The following GTF2H3 variants were observed in gnomAD, a reference collection of about 807,000 sequenced individuals.
GTF2H3 encodes the protein TFIIH basal transcription factor complex p34 subunit.
GTF2H3 carries 42 observed loss-of-function variants against 51.1 expected under a neutral mutation model. The ratio of observed to expected loss-of-function variants is 0.82; its 90% CI spans 0.64 to 1.06. GTF2H3 has a LOEUF of 1.06. GTF2H3 is among the 50% of genes least tolerant of loss of function. GTF2H3 has a pLI of 0.00. For missense variants in GTF2H3, 326 were observed against 366.1 expected (o/e 0.89, Z 0.89); for synonymous variants, 123 against 123.8 (o/e 0.99, Z 0.04).
At chr12:123,645,369 C>T (rs1955431799) in intron 2 of GTF2H3, 86 bp from the exon 3 acceptor site, 1 of 753,888 alleles carries the variant, frequency 1.3e-6, no homozygotes, top group African/African-American at 1.7e-5. Context: ...TGCACCCAGC[C>T]TAAACGACAT....
chr12:123,635,792 A>G (rs1408943484), intron 1 of GTF2H3, among the ~76,000 whole-genome samples: 2 of 152,206 alleles, frequency 1.3e-5, no homozygotes, highest in African/African-American at 4.8e-5. Context: ...AGTGGGCAGG[A>G]CTGGGACGAG....
chr12:123,633,833 G>T lies in GTF2H3; in HGVS notation c.-27G>T, dbSNP rs200812386. The stretch of plus-strand genomic sequence containing the variant: ...TGAGACGCTCCCCTGACCACCACTT[G>T]CTCTGCGCTGAGGTGCTGGGACAGC... On this transcript the variant is annotated 5_prime_UTR_variant, in exon 1 of 13. Coordinates refer to ENST00000543341, the MANE Select transcript of GTF2H3 (RefSeq NM_001516.5). The T allele has an allele frequency of 4.2e-5, 67 of 1,612,346 alleles. No individual in the cohort carries two copies. The East Asian group carries it at 6.9e-4, about 17-fold the overall frequency.
At position 123,661,240 on chromosome 12, in the gene GTF2H3, G is replaced by A. The variant is rs1023045073; in HGVS notation, c.*1005G>A. On this transcript the variant is annotated 3_prime_UTR_variant, in exon 13 of 13. Coordinates refer to ENST00000543341, the MANE Select transcript of GTF2H3 (RefSeq NM_001516.5). Reference sequence around the variant, plus strand: ...ATTTGTAATTTCAACAACAAAAAATGTATTTCTTTATGTAATCTTGAAATT... The same window carrying A: ...ATTTGTAATTTCAACAACAAAAAATATATTTCTTTATGTAATCTTGAAATT... The A allele has an allele frequency of 2.0e-5, 3 of 152,194 alleles. No individual in the cohort carries two copies. The highest frequency in any genetic ancestry group is 7.2e-5 in the African/African-American group (3 of 41,440). The allele number at this position is 152,194 out of a possible 1,614,324, so 9.4% of individuals were successfully genotyped here. A position where few individuals can be genotyped will look rare whatever the true frequency, so the allele number is the denominator to read the frequency against.
intron 9 of GTF2H3, 29 bp downstream of exon 9, chr12:123,655,853 G>A (rs1249185302): frequency 2.0e-6 from 3 of 1,479,302 alleles, no homozygotes; most frequent in Non-Finnish European, 1.9e-6. Context: ...CTTTGTGTCG[G>A]TGGTTATGAC....
intron 1 of GTF2H3, among the ~76,000 whole-genome samples, chr12:123,636,511 C>T (rs566966111): frequency 3.3e-5 from 5 of 152,164 alleles, no homozygotes; most frequent in Admixed American, 3.3e-4. Flanking sequence ...CACGGCGGCA[C>T]ATGCCTGTAA....
intron 2 of GTF2H3, among the ~76,000 whole-genome samples, chr12:123,643,188 C>T (rs567621099): frequency 6.6e-6 from 1 of 152,292 alleles, no homozygotes; most frequent in East Asian, 1.9e-4. Flanking sequence ...CAACCATACT[C>T]ATTTTTCAAT....
chr12:123,640,151 C>T (rs759790128), intron 2 of GTF2H3: 11 of 329,456 alleles, frequency 3.3e-5, no homozygotes, highest in Non-Finnish European at 5.6e-5. Flanking sequence ...TGAGCCACCG[C>T]ACCTGGCTGA....
rs562805405 is a variant in GTF2H3, at chr12:123,654,133, G to A, written c.487-791G>A. 2.0e-5 allele frequency among the ~76,000 whole-genome samples: 3 copies of A among 152,022 alleles called. No individual in the cohort carries two copies. The South Asian group carries it at 6.2e-4, about 32-fold the overall frequency. On this transcript the variant is annotated intron_variant, in intron 7 of 12. Transcript: ENST00000543341. ...GGATGTGTGTGTATTCTGGATGTGT[G>A]TATGTGTGTATATTTTGGATGTGTG... is the stretch of plus-strand genomic sequence containing the variant.
intron 2 of GTF2H3, among the ~76,000 whole-genome samples, chr12:123,643,987 C>A (rs976352617): frequency 6.6e-6 from 1 of 152,070 alleles, no homozygotes; most frequent in Non-Finnish European, 1.5e-5. Context: ...CGTGCCAACA[C>A]GCCCAGCTAA....
chr12:123,633,829 A>T lies in GTF2H3; in HGVS notation c.-31A>T. 1 of 1,611,812 alleles carries T rather than the reference A, an allele frequency of 6.2e-7. No homozygotes were observed. Among genetic ancestry groups the T allele is most frequent in the South Asian group, 1.1e-5 (1 of 91,066 alleles). ...GATTTGAGACGCTCCCCTGACCACCACTTGCTCTGCGCTGAGGTGCTGGGA... is the reference window on the plus strand; with the variant it reads ...GATTTGAGACGCTCCCCTGACCACCTCTTGCTCTGCGCTGAGGTGCTGGGA... On this transcript the variant is annotated 5_prime_UTR_variant, in exon 1 of 13. Coordinates refer to ENST00000543341, the MANE Select transcript of GTF2H3 (RefSeq NM_001516.5).
At chr12:123,645,618 T>C (rs1955435714) in intron 3 of GTF2H3, 57 bp downstream of exon 3, 1 of 908,916 alleles carries the variant, frequency 1.1e-6, no homozygotes, top group Non-Finnish European at 1.8e-6. Flanking sequence ...GAGTTTTCTG[T>C]GCCAGTTGGC....
At chr12:123,643,457 C>G (rs1955406381) in intron 2 of GTF2H3, among the ~76,000 whole-genome samples, 2 of 152,210 alleles carry the variant, frequency 1.3e-5, no homozygotes, top group South Asian at 4.1e-4. Context: ...TTGCACTCAT[C>G]AGTGCTGTAT....
intron 1 of GTF2H3, among the ~76,000 whole-genome samples, chr12:123,635,693 G>A (rs201211573): frequency 4.0e-5 from 6 of 151,640 alleles, no homozygotes; most frequent in East Asian, 2.0e-4. Context: ...GATTACAGGC[G>A]TGAGCCACTA....
chr12:123,642,167 TTTTTC>T (rs1329050237), intron 2 of GTF2H3, among the ~76,000 whole-genome samples: 1 of 143,238 alleles, frequency 7.0e-6, no homozygotes, highest in Non-Finnish European at 1.5e-5. Flanking sequence ...AGTTATTTTC[TTTTTC>T]TTTTCTTTTT....
At position 123,655,016 on chromosome 12, in the gene GTF2H3, C is replaced by T. The variant is rs771203980; in HGVS notation, c.561+18C>T. The T allele has an allele frequency of 9.4e-6, 15 of 1,589,518 alleles. No homozygotes were observed. Among genetic ancestry groups the T allele is most frequent in the Admixed American group, 5.0e-5 (3 of 59,960 alleles). Reference sequence around the variant, plus strand: ...AGAAACAGGTGAACTGAGAGCCTGCCGTTTAAAGTATTTGTTTCATAACGA... The same window carrying T: ...AGAAACAGGTGAACTGAGAGCCTGCTGTTTAAAGTATTTGTTTCATAACGA... On this transcript the variant is annotated intron_variant, in intron 8 of 12. Coordinates refer to ENST00000543341, the MANE Select transcript of GTF2H3 (RefSeq NM_001516.5).
chr12:123,654,673 T>C (rs1955563813), intron 7 of GTF2H3, among the ~76,000 whole-genome samples: 1 of 152,024 alleles, frequency 6.6e-6, no homozygotes, highest in African/African-American at 2.4e-5. Context: ...TGTGTGTGTT[T>C]GTGTTTTGGG....
chr12:123,639,496 G>A (rs1398287232), intron 2 of GTF2H3, among the ~76,000 whole-genome samples, 153 bp downstream of exon 2: 1 of 152,090 alleles, frequency 6.6e-6, no homozygotes, highest in Non-Finnish European at 1.5e-5. Flanking sequence ...AATTTGCGAA[G>A]TTGTGTAACC....
At chr12:123,642,556 A>T (rs1317051567) in intron 2 of GTF2H3, among the ~76,000 whole-genome samples, 4 of 152,136 alleles carry the variant, frequency 2.6e-5, no homozygotes, top group African/African-American at 9.7e-5. Context: ...TTTTGGGGGG[A>T]CATAATTCGA....
At chr12:123,643,867 G>T (rs748545967) in intron 2 of GTF2H3, among the ~76,000 whole-genome samples, 4 of 148,486 alleles carry the variant, frequency 2.7e-5, no homozygotes, top group Non-Finnish European at 5.9e-5. Context: ...TGGAGTCTTT[G>T]TCACCCAGGC....
Sources: allele counts gnomAD v4.1 joint callset (sites outside exome capture counted in the v4.1 genomes callset), GRCh38; gene constraint gnomAD v4.1.1; transcripts MANE v1.5; gene names NCBI Gene and HGNC (gene_info 2026-07-23, HGNC 2026-07-21).